Variants in PTPN5 observed in about 807,000 individuals in gnomAD.
PTPN5 encodes tyrosine-protein phosphatase non-receptor type 5.
Under a neutral mutation model 73.9 loss-of-function variants are expected in PTPN5, and 29 were observed. That is an observed-to-expected ratio of 0.39 (90% CI 0.29 to 0.54). The LOEUF (loss-of-function observed/expected upper bound fraction) is 0.54, where lower values mean the gene tolerates loss of function less well. Ranked by LOEUF, PTPN5 falls within the 20% of genes least tolerant of loss-of-function variation. The pLI, the probability that PTPN5 is intolerant of heterozygous loss-of-function variation, is 0.65. For synonymous variants in PTPN5, 267 were observed against 304.7 expected (o/e 0.88, Z 1.29); for missense variants, 652 against 751.4 (o/e 0.87, Z 1.55).
chr11:18,784,370 A>T (rs981752816), intron 1 of PTPN5, among the ~76,000 whole-genome samples: 1 of 152,204 alleles, frequency 6.6e-6, no homozygotes, highest in Non-Finnish European at 1.5e-5. Context: ...CCTTGAAAAC[A>T]TTAGGCTAAG....
chr11:18,742,928 T>TC lies in PTPN5; in HGVS notation c.483+63_483+64insG, dbSNP rs1849437436. Reference sequence around the variant, plus strand: ...AGCCTATAAGTCAGATGGGAGCTGGTAGAAATCCAGGCCTCAAGGTCAGAG... The same window carrying TC: ...AGCCTATAAGTCAGATGGGAGCTGGTCAGAAATCCAGGCCTCAAGGTCAGAG... On this transcript the variant is annotated intron_variant, in intron 6 of 14. Transcript: ENST00000358540. The surrounding 1 kb of genome is among the most constrained non-coding windows in gnomAD (Gnocchi z 4.1). 3 of 1,084,890 alleles carry TC rather than the reference T, an allele frequency of 2.8e-6. No homozygotes were observed. The African/African-American group carries it at 4.7e-5, about 17-fold the overall frequency. The allele number at this position is 1,084,890 out of a possible 1,614,324, so 67.2% of individuals were successfully genotyped here.
At position 18,742,553 on chromosome 11, in the gene PTPN5, C is replaced by T; in HGVS notation, c.484-50G>A. On this transcript the variant is annotated intron_variant, in intron 6 of 14. Transcript: ENST00000358540. This position sits in a 1 kb window ranked among gnomAD's most constrained non-coding sequence, Gnocchi z 4.1. ...GATTTCGGACCACGCTGGCTGCCCC[C>T]CGTGTTCCTGGAGTGCCCATGGGAT... is the stretch of plus-strand genomic sequence containing the variant. 2.5e-6 allele frequency: 4 copies of T among 1,599,226 alleles called. No homozygotes were observed. Among genetic ancestry groups the T allele is most frequent in the Middle Eastern group, 4.2e-4 (2 of 4,802 alleles).
intron 3 of PTPN5, among the ~76,000 whole-genome samples, chr11:18,749,822 G>A (rs1267609865): frequency 6.6e-6 from 1 of 152,216 alleles, no homozygotes; most frequent in Non-Finnish European, 1.5e-5. Flanking sequence ...GCTCCTGTCA[G>A]TGACTCATTC....
chr11:18,741,300 G>C (rs1849354676), intron 7 of PTPN5, among the ~76,000 whole-genome samples: 1 of 152,194 alleles, frequency 6.6e-6, no homozygotes, highest in Non-Finnish European at 1.5e-5. Flanking sequence ...GACCCCCGCT[G>C]TCAGGAAGGA....
intron 3 of PTPN5, among the ~76,000 whole-genome samples, chr11:18,763,380 G>A (rs1054170660): frequency 2.6e-5 from 4 of 152,240 alleles, no homozygotes; most frequent in African/African-American, 9.6e-5. Context: ...ACTGCCTGGA[G>A]TGAATCCTCC....
At chr11:18,744,938 G>A (rs1849547525) in intron 3 of PTPN5, among the ~76,000 whole-genome samples, 1 of 152,210 alleles carries the variant, frequency 6.6e-6, no homozygotes, top group East Asian at 1.9e-4. Context: ...TTTCTCAGGT[G>A]CACAGGGGCT....
At chr11:18,766,060 G>A (rs1850632401) in intron 2 of PTPN5, among the ~76,000 whole-genome samples, 177 bp from the exon 3 acceptor site, 1 of 152,172 alleles carries the variant, frequency 6.6e-6, no homozygotes, top group Admixed American at 6.5e-5. Context: ...GCAGAGGCAG[G>A]AGCAGAATTT....
intron 12 of PTPN5, chr11:18,730,671 T>C: frequency 6.5e-6 from 1 of 153,840 alleles, no homozygotes; most frequent in South Asian, 1.9e-4. Flanking sequence ...TCTCCAGAAC[T>C]GTGAAAAATA....
intron 1 of PTPN5, among the ~76,000 whole-genome samples, chr11:18,783,376 T>C (rs1172188786): frequency 6.6e-6 from 1 of 152,218 alleles, no homozygotes; most frequent in African/African-American, 2.4e-5. Context: ...TTTTACATCA[T>C]GGGCTAAAGA....
At chr11:18,781,027 G>A (rs1851394820) in intron 1 of PTPN5, among the ~76,000 whole-genome samples, 1 of 152,126 alleles carries the variant, frequency 6.6e-6, no homozygotes. Context: ...TCATGCTTTA[G>A]GGCTCTCACA....
At chr11:18,744,231 T>C in intron 3 of PTPN5, 32 bp from the exon 4 acceptor site, 1 of 1,454,004 alleles carries the variant, frequency 6.9e-7, no homozygotes. Flanking sequence ...GGCCGATGAC[T>C]CCGGCCCTGT....
chr11:18,750,165 G>A (rs1471962499), intron 3 of PTPN5, among the ~76,000 whole-genome samples: 3 of 152,204 alleles, frequency 2.0e-5, no homozygotes, highest in Admixed American at 6.5e-5. Flanking sequence ...AAGACTTACC[G>A]TGTGCTGGGT....
intron 1 of PTPN5, among the ~76,000 whole-genome samples, chr11:18,773,571 A>G (rs987288863): frequency 2.0e-5 from 3 of 152,188 alleles, no homozygotes; most frequent in Non-Finnish European, 4.4e-5. Context: ...TCCTTGAAAC[A>G]TCCCTGGCAT....
At chr11:18,738,492 G>C (rs1849217173) in intron 8 of PTPN5, among the ~76,000 whole-genome samples, 1 of 152,198 alleles carries the variant, frequency 6.6e-6, no homozygotes, top group Admixed American at 6.5e-5. Flanking sequence ...CTCTGAGTCT[G>C]AACTTCTCTC....
chr11:18,781,412 C>T (rs1031563224), intron 1 of PTPN5, among the ~76,000 whole-genome samples: 2 of 151,498 alleles, frequency 1.3e-5, no homozygotes, highest in African/African-American at 2.4e-5. Context: ...CTCCGCCTCC[C>T]GGGTTTAATC....
At chr11:18,783,749 G>T (rs1048514427) in intron 1 of PTPN5, among the ~76,000 whole-genome samples, 1 of 152,196 alleles carries the variant, frequency 6.6e-6, no homozygotes, top group African/African-American at 2.4e-5. Flanking sequence ...TAGACATTAA[G>T]CTCCTTGCGG....
Position 18,729,587 on chromosome 11 carries a change from T to C in PTPN5, c.1491-21A>G, listed in dbSNP as rs1848780966. 1 of 1,568,638 alleles carries C rather than the reference T, an allele frequency of 6.4e-7. No homozygotes were observed. The highest frequency in any genetic ancestry group is 8.7e-7 in the Non-Finnish European group (1 of 1,152,092). ...CTGCACTGAGGGCCGAGGGGACCGG[T>C]GGGGTGAGGGGCAGGGCAGCCCAGC... On this transcript the variant is annotated intron_variant, in intron 13 of 14. Transcript: ENST00000358540. This position sits in a 1 kb window ranked among gnomAD's most constrained non-coding sequence, Gnocchi z 5.2.
At chr11:18,773,426 G>C (rs527947259) in intron 1 of PTPN5, among the ~76,000 whole-genome samples, 1 of 152,266 alleles carries the variant, frequency 6.6e-6, no homozygotes, top group East Asian at 1.9e-4. Context: ...TGAGTGCATA[G>C]AGAGGGCTGG....
chr11:18,749,834 T>C (rs1476772218), intron 3 of PTPN5, among the ~76,000 whole-genome samples: 1 of 152,186 alleles, frequency 6.6e-6, no homozygotes, highest in African/African-American at 2.4e-5. Context: ...GACTCATTCT[T>C]TGAGCTCCCA....
Sources: gnomAD v4.1 joint callset for allele counts (sites outside exome capture counted in the v4.1 genomes callset) on GRCh38, gnomAD v4.1.1 for gene constraint, Gnocchi (gnomAD v3.1) non-coding constraint, MANE v1.5 for transcripts, NCBI Gene and HGNC (gene_info 2026-07-23, HGNC 2026-07-21) for gene names.